The following CENPI variants were observed in gnomAD, a reference collection of about 807,000 sequenced individuals.
CENPI encodes the protein centromere protein I.
CENPI carries 4 observed loss-of-function variants against 60.4 expected under a neutral mutation model. The observed-to-expected ratio is 0.07, with a 90% CI of 0.03 to 0.15. The LOEUF (loss-of-function observed/expected upper bound fraction) is 0.15. Ranked by LOEUF, CENPI falls within the 10% of genes least tolerant of loss-of-function variation. The probability of loss-of-function intolerance (pLI) is 1.00; values close to 1 mark genes in which losing one functional copy is unlikely to be tolerated. For synonymous variants in CENPI, 157 were observed against 189.4 expected (o/e 0.83, Z 1.40); for missense variants, 444 against 534.5 (o/e 0.83, Z 1.67).
chrX:101,130,484 T>G (rs1857699720), intron 13 of CENPI, among the ~76,000 whole-genome samples: 1 of 112,154 alleles, frequency 8.9e-6, no homozygotes, highest in Non-Finnish European at 1.9e-5. Context: ...ACATCTTTTG[T>G]AAATAATATT....
At chrX:101,178,401 T>C in the CENPI span, among the ~76,000 whole-genome samples, 460 of 31,592 alleles carry the variant, frequency 0.015, 6 homozygotes, top group African/African-American at 0.061. Context: ...TCTTCTTCTT[T>C]TTTTTTTTTT....
At chrX:101,176,401 A>G in the CENPI span, among the ~76,000 whole-genome samples, 1 of 110,026 alleles carries the variant, frequency 9.1e-6, no homozygotes, top group Non-Finnish European at 1.9e-5. Context: ...TCCCACCAAG[A>G]GTGTATAAGC....
intron 4 of CENPI, among the ~76,000 whole-genome samples, chrX:101,108,598 C>A (rs758652275): frequency 6.9e-4 from 76 of 110,673 alleles, no homozygotes; most frequent in African/African-American, 2.4e-3. Flanking sequence ...ACCCTGTACT[C>A]ATTTATATTT....
intron 20 of CENPI, among the ~76,000 whole-genome samples, chrX:101,160,987 A>G (rs1472662763): frequency 8.9e-6 from 1 of 111,992 alleles, no homozygotes; most frequent in Admixed American, 9.5e-5. Context: ...TACTCTGAAT[A>G]GAGGGGTTTA....
chrX:101,115,616 G>A (rs1422275114), intron 6 of CENPI, among the ~76,000 whole-genome samples: 2 of 110,828 alleles, frequency 1.8e-5, no homozygotes, highest in Non-Finnish European at 3.8e-5. Flanking sequence ...CTCTTGCCTC[G>A]GCCTCCCAAA....
chrX:101,126,312 T>C (rs2089734863), intron 8 of CENPI, among the ~76,000 whole-genome samples: 1 of 112,116 alleles, frequency 8.9e-6, no homozygotes, highest in Non-Finnish European at 1.9e-5. Context: ...ATTATAATAA[T>C]CAGGTATTAG....
intron 6 of CENPI, among the ~76,000 whole-genome samples, chrX:101,114,376 T>C (rs1324940856): frequency 1.8e-5 from 2 of 112,064 alleles, no homozygotes; most frequent in African/African-American, 3.2e-5. Context: ...GTCACAGATA[T>C]GTACAACCAT....
intron 4 of CENPI, among the ~76,000 whole-genome samples, chrX:101,109,063 G>T (rs60742597): frequency 1.0e-5 from 1 of 100,228 alleles, no homozygotes; most frequent in Admixed American, 1.2e-4. Flanking sequence ...TCAATATAAC[G>T]TGAGGTGTGG....
intron 14 of CENPI, 38 bp from the exon 15 acceptor site, chrX:101,132,354 T>C (rs1157364742): frequency 2.5e-6 from 3 of 1,192,027 alleles, no homozygotes; most frequent in Non-Finnish European, 3.4e-6. Context: ...CGTACTATGA[T>C]TGAAAGGATT....
chrX:101,101,657 G>A (rs1447856897), intron 3 of CENPI, among the ~76,000 whole-genome samples: 1 of 110,858 alleles, frequency 9.0e-6, no homozygotes. Flanking sequence ...CCTGGCATAG[G>A]GATTTTTTTT....
downstream of CENPI, among the ~76,000 whole-genome samples, chrX:101,169,182 A>C (rs2090151161): frequency 1.8e-5 from 2 of 112,380 alleles, no homozygotes; most frequent in Non-Finnish European, 1.9e-5. Flanking sequence ...GTGGGACACA[A>C]ATATGCTCAT....
chrX:101,101,948 A>G (rs778615336), intron 3 of CENPI, among the ~76,000 whole-genome samples: 14 of 112,198 alleles, frequency 1.2e-4, no homozygotes, highest in African/African-American at 4.5e-4. Context: ...TGGCATGATC[A>G]TTGTACGTTT....
In CENPI at chrX:101,101,105, C is replaced by A; in HGVS notation, c.35C>A (p.Ala12Glu). Residue 12 changes from alanine to glutamate, a missense_variant, in exon 3 of 22, where the codon GCA (alanine) becomes GAA (glutamate). Transcript: ENST00000682095. The stretch of plus-strand genomic sequence containing the variant: ...CAAAAGAGAGTTAAGAACGTCCAGG[C>A]ACAAAACAGGACTTCACAAGGTAGT... The part of the protein sequence containing the change: ...SPQKRVKNVQ[A>E]QNRTSQGSSS... The A allele has an allele frequency of 8.3e-7, 1 of 1,210,771 alleles. No homozygotes were observed. Among genetic ancestry groups the A allele is most frequent in the Non-Finnish European group, 1.1e-6 (1 of 894,652 alleles).
intron 6 of CENPI, among the ~76,000 whole-genome samples, chrX:101,116,902 T>C (rs1429801264): frequency 9.0e-6 from 1 of 111,597 alleles, no homozygotes; most frequent in Non-Finnish European, 1.9e-5. Flanking sequence ...TGGTCTTTCA[T>C]TGTGGTTTTG....
intron 6 of CENPI, among the ~76,000 whole-genome samples, chrX:101,119,291 GTTTAGAC>G (rs752916179): frequency 6.2e-5 from 7 of 112,397 alleles, no homozygotes; most frequent in Non-Finnish European, 1.1e-4. Context: ...ATATGCTGTA[GTTTAGAC>G]TTTAAAGTTT....
At chrX:101,143,549 G>A (rs1244216439) in intron 16 of CENPI, among the ~76,000 whole-genome samples, 1 of 112,420 alleles carries the variant, frequency 8.9e-6, no homozygotes, top group East Asian at 2.8e-4. Flanking sequence ...ATTTTGAGAT[G>A]GAGTCTCACT....
At chrX:101,120,844 C>T in intron 8 of CENPI, 60 bp downstream of exon 8, 2 of 880,390 alleles carry the variant, frequency 2.3e-6, no homozygotes, top group South Asian at 2.4e-5. Flanking sequence ...CTGAGCCAGG[C>T]ATTGGGAATA....
chrX:101,116,235 G>T (rs1166490179), intron 6 of CENPI, among the ~76,000 whole-genome samples: 1 of 111,318 alleles, frequency 9.0e-6, no homozygotes, highest in Non-Finnish European at 1.9e-5. Flanking sequence ...CACAGCCCAG[G>T]ATTGCTCTGA....
At chrX:101,114,984 A>G (rs1262387495) in intron 6 of CENPI, among the ~76,000 whole-genome samples, 2 of 108,399 alleles carry the variant, frequency 1.8e-5, no homozygotes, top group African/African-American at 3.4e-5. Context: ...ATTTTTTGAG[A>G]CAGAGTTTCA....
Sources: allele counts gnomAD v4.1 joint callset (sites outside exome capture counted in the v4.1 genomes callset), GRCh38; gene constraint gnomAD v4.1.1; transcripts MANE v1.5; gene names NCBI Gene and HGNC (gene_info 2026-07-23, HGNC 2026-07-21).